CCDC60: variants seen among roughly 807,000 people sequenced by gnomAD.
CCDC60 encodes the protein coiled-coil domain-containing protein 60.
A neutral mutation model predicts 63.5 loss-of-function variants in CCDC60; 54 were observed. The ratio of observed to expected loss-of-function variants is 0.85; its 90% CI spans 0.68 to 1.07. CCDC60 has a LOEUF of 1.07. Ranked by LOEUF, CCDC60 falls within the 50% of genes least tolerant of loss-of-function variation. The pLI, the probability that CCDC60 is intolerant of heterozygous loss-of-function variation, is 0.00. For missense variants in CCDC60, 651 were observed against 684.3 expected, an observed-to-expected ratio of 0.95 and a Z score of 0.54; for synonymous variants, 206 against 238.8, an observed-to-expected ratio of 0.86 and a Z score of 1.27.
intron 5 of CCDC60, among the ~76,000 whole-genome samples, chr12:119,498,433 A>G (rs886913678): frequency 6.6e-6 from 1 of 152,026 alleles, no homozygotes; most frequent in African/African-American, 2.4e-5. Flanking sequence ...CCCAGGTTCA[A>G]GCGATTCTGC....
At chr12:119,515,711 G>T (rs1271345335) in intron 7 of CCDC60, among the ~76,000 whole-genome samples, 1 of 152,132 alleles carries the variant, frequency 6.6e-6, no homozygotes, top group Non-Finnish European at 1.5e-5. Flanking sequence ...GAGAGCAGTC[G>T]CCTATCTAAA....
At chr12:119,370,102 C>G (rs1459791912) in intron 1 of CCDC60, among the ~76,000 whole-genome samples, 2 of 152,186 alleles carry the variant, frequency 1.3e-5, no homozygotes, top group East Asian at 3.9e-4. Context: ...TTAACGTGTT[C>G]CAACATGCCT....
intron 1 of CCDC60, among the ~76,000 whole-genome samples, chr12:119,381,336 G>T (rs922291084): frequency 6.6e-6 from 1 of 152,150 alleles, no homozygotes; most frequent in African/African-American, 2.4e-5. Flanking sequence ...TCTTTATGAT[G>T]AACTGAGCCA....
At chr12:119,465,899 G>C (rs1318708606) in intron 2 of CCDC60, among the ~76,000 whole-genome samples, 2 of 152,186 alleles carry the variant, frequency 1.3e-5, no homozygotes, top group African/African-American at 4.8e-5. Context: ...ACAGAGTTTG[G>C]TTTTATTTCC....
chr12:119,356,289 G>T (rs1482920937), intron 1 of CCDC60, among the ~76,000 whole-genome samples: 3 of 152,132 alleles, frequency 2.0e-5, no homozygotes, highest in Admixed American at 2.0e-4. Flanking sequence ...GTGTTCTATG[G>T]AAATCAAGTT....
At chr12:119,516,850 A>G in intron 8 of CCDC60, 143 bp downstream of exon 8, 3 of 606,922 alleles carry the variant, frequency 4.9e-6, no homozygotes, top group Non-Finnish European at 2.9e-6. Context: ...CTGAGTTCTT[A>G]CAATAATCCT....
chr12:119,462,615 C>T (rs1950876202), intron 2 of CCDC60, among the ~76,000 whole-genome samples: 1 of 152,038 alleles, frequency 6.6e-6, no homozygotes, highest in African/African-American at 2.4e-5. Flanking sequence ...GACCGAGATG[C>T]AGAGGTAAAG....
intron 1 of CCDC60, among the ~76,000 whole-genome samples, chr12:119,380,975 A>G (rs1956002455): frequency 6.6e-6 from 1 of 152,200 alleles, no homozygotes; most frequent in Admixed American, 6.5e-5. Context: ...GTAAATTATA[A>G]TAAAATTAGT....
At chr12:119,340,747 T>C (rs1028530963) in intron 1 of CCDC60, among the ~76,000 whole-genome samples, 2 of 152,140 alleles carry the variant, frequency 1.3e-5, no homozygotes, top group Non-Finnish European at 2.9e-5. Context: ...ATAGAAGAAA[T>C]TGTGACCTGA....
At chr12:119,407,136 G>A (rs190113981) in intron 1 of CCDC60, among the ~76,000 whole-genome samples, 178 of 152,244 alleles carry the variant, frequency 1.2e-3, no homozygotes, top group Middle Eastern at 6.8e-3. Context: ...TCCCATCCAG[G>A]TGGGGTGTGT....
intron 1 of CCDC60, among the ~76,000 whole-genome samples, chr12:119,415,486 G>C (rs12370442): frequency 0.054 from 8,238 of 152,272 alleles, 306 homozygotes; most frequent in South Asian, 0.09. Context: ...TTGGACTTTA[G>C]TCTAAAAACA....
chr12:119,354,683 G>A (rs1955698641), intron 1 of CCDC60, among the ~76,000 whole-genome samples: 1 of 152,194 alleles, frequency 6.6e-6, no homozygotes, highest in African/African-American at 2.4e-5. Context: ...TCAAGTTACT[G>A]CTCATTAATG....
intron 2 of CCDC60, among the ~76,000 whole-genome samples, chr12:119,465,189 T>C (rs2136313212): frequency 6.6e-6 from 1 of 152,024 alleles, no homozygotes; most frequent in Admixed American, 6.5e-5. Flanking sequence ...GGCGGGCGCC[T>C]GTAGTCCCAG....
chr12:119,404,484 T>C (rs4767818), intron 1 of CCDC60, among the ~76,000 whole-genome samples: 106,554 of 151,850 alleles, frequency 0.7, 37,776 homozygotes, highest in East Asian at 0.84. Flanking sequence ...AGTTTGGGGG[T>C]GGGTGTGTGT....
chr12:119,447,163 G>T (rs1018123159), intron 2 of CCDC60, among the ~76,000 whole-genome samples: 1 of 152,128 alleles, frequency 6.6e-6, no homozygotes, highest in Non-Finnish European at 1.5e-5. Flanking sequence ...TGAATATATC[G>T]CAGTGAGGAC....
chr12:119,413,206 A>G (rs538698081), intron 1 of CCDC60, among the ~76,000 whole-genome samples: 99 of 152,322 alleles, frequency 6.5e-4, no homozygotes, highest in African/African-American at 2.3e-3. Context: ...CTGGGTGGAT[A>G]ACACATTGGC....
intron 4 of CCDC60, among the ~76,000 whole-genome samples, chr12:119,488,347 G>T (rs919635395): frequency 6.6e-6 from 1 of 152,134 alleles, no homozygotes; most frequent in Admixed American, 6.5e-5. Context: ...TTAACAATTG[G>T]ACATACATAG....
rs779969498 is a variant in CCDC60 at position 119,540,761 on chromosome 12, T to G, written c.*46T>G. 43 of 1,327,864 alleles carry G rather than the reference T, an allele frequency of 3.2e-5. No homozygotes were observed. The South Asian group carries it at 4.8e-4, about 15-fold the overall frequency. The allele number at this position is 1,327,864 out of a possible 1,614,324, so 82.3% of individuals were successfully genotyped here. A position where few individuals can be genotyped will look rare whatever the true frequency, so the allele number is the denominator to read the frequency against. On this transcript the variant is annotated 3_prime_UTR_variant, in exon 14 of 14. Transcript: ENST00000327554. The stretch of plus-strand genomic sequence containing the variant: ...CTGTCTCAGTGGAGGAGTGTTTGCC[T>G]ATATCATGTTCCTGTATCCTGCCTG...
At chr12:119,515,986 TAG>T (rs1952342596) in intron 7 of CCDC60, among the ~76,000 whole-genome samples, 1 of 152,086 alleles carries the variant, frequency 6.6e-6, no homozygotes, top group African/African-American at 2.4e-5. Context: ...CTGGCTGCAG[TAG>T]AGTTTAAGGT....
Sources: gnomAD v4.1 joint callset for allele counts (sites outside exome capture counted in the v4.1 genomes callset) on GRCh38, gnomAD v4.1.1 for gene constraint, MANE v1.5 for transcripts, NCBI Gene and HGNC (gene_info 2026-07-23, HGNC 2026-07-21) for gene names.